Variants in PLEKHA5 observed in about 807,000 individuals in gnomAD.
PLEKHA5 encodes the protein pleckstrin homology domain containing A5.
PLEKHA5 carries 55 observed loss-of-function variants against 181.9 expected under a neutral mutation model. That is an observed-to-expected ratio of 0.30 (90% CI 0.24 to 0.38). PLEKHA5 has a LOEUF of 0.38. PLEKHA5 is among the 10% of genes least tolerant of loss of function. The pLI is 1.00. For missense variants in PLEKHA5, 1,432 were observed against 1,549.5 expected, an observed-to-expected ratio of 0.92 and a Z score of 1.27; for synonymous variants, 535 against 529.4, an observed-to-expected ratio of 1.01 and a Z score of -0.15.
At chr12:19,285,700 C>T (rs1311863487) in intron 12 of PLEKHA5, among the ~76,000 whole-genome samples, 2 of 152,164 alleles carry the variant, frequency 1.3e-5, no homozygotes, top group Non-Finnish European at 1.5e-5. Context: ...CTGCCACACA[C>T]TTGAAGTAAA....
intron 26 of PLEKHA5, among the ~76,000 whole-genome samples, chr12:19,354,253 G>A (rs868698073): frequency 5.8e-4 from 73 of 126,864 alleles, no homozygotes; most frequent in Middle Eastern, 4.8e-3. Context: ...CCGGGTTCAC[G>A]CCATTCTCCT....
At chr12:19,317,854 T>G (rs1176126240) in intron 16 of PLEKHA5, among the ~76,000 whole-genome samples, 1 of 150,888 alleles carries the variant, frequency 6.6e-6, no homozygotes, top group Non-Finnish European at 1.5e-5. Flanking sequence ...AATTACTACA[T>G]AGCCCATTTT....
intron 15 of PLEKHA5, among the ~76,000 whole-genome samples, chr12:19,293,236 G>A (rs1438429108): frequency 3.9e-5 from 6 of 152,170 alleles, no homozygotes; most frequent in Non-Finnish European, 8.8e-5. Flanking sequence ...TGTATTTAAA[G>A]AGGGATTTTG....
chr12:19,288,610 T>A (rs1321237850), intron 13 of PLEKHA5, among the ~76,000 whole-genome samples: 2 of 152,242 alleles, frequency 1.3e-5, no homozygotes, highest in African/African-American at 2.4e-5. Flanking sequence ...AAAAACATTG[T>A]TTTATTTTAT....
chr12:19,318,671 C>T (rs2089825097), intron 16 of PLEKHA5, among the ~76,000 whole-genome samples: 1 of 152,086 alleles, frequency 6.6e-6, no homozygotes, highest in African/African-American at 2.4e-5. Flanking sequence ...GCCTATAATC[C>T]CAGCACTTTG....
intron 13 of PLEKHA5, among the ~76,000 whole-genome samples, chr12:19,288,318 C>T (rs995213102): frequency 6.6e-6 from 1 of 152,108 alleles, no homozygotes; most frequent in Non-Finnish European, 1.5e-5. Flanking sequence ...CTGTAACAAG[C>T]GTTCGATCAA....
intron 3 of PLEKHA5, among the ~76,000 whole-genome samples, chr12:19,170,127 A>C (rs528308457): frequency 6.6e-6 from 1 of 152,344 alleles, no homozygotes; most frequent in South Asian, 2.1e-4. Flanking sequence ...GAAATAAGGT[A>C]TGAAATGAGA....
chr12:19,327,446 G>GT (rs1280437189), intron 20 of PLEKHA5, among the ~76,000 whole-genome samples: 1 of 151,236 alleles, frequency 6.6e-6, no homozygotes, highest in Non-Finnish European at 1.5e-5. Flanking sequence ...TATTTGTTTT[G>GT]TTTTTTCCTC....
intron 20 of PLEKHA5, among the ~76,000 whole-genome samples, chr12:19,334,829 A>AAAAT: frequency 2.1e-4 from 4 of 18,606 alleles, no homozygotes; most frequent in African/African-American, 4.9e-4. Context: ...AAAAAAAAAA[A>AAAAT]ATATATATAT....
intron 21 of PLEKHA5, among the ~76,000 whole-genome samples, chr12:19,339,913 A>G (rs2093724984): frequency 6.6e-6 from 1 of 152,240 alleles, no homozygotes; most frequent in Non-Finnish European, 1.5e-5. Flanking sequence ...TTTGTTAAAT[A>G]AATAAACAAG....
intron 12 of PLEKHA5, among the ~76,000 whole-genome samples, chr12:19,285,230 T>C (rs1218093495): frequency 5.3e-5 from 8 of 152,146 alleles, no homozygotes; most frequent in Non-Finnish European, 1.0e-4. Context: ...ATAAGAAAAA[T>C]CTGATCTAAT....
intron 3 of PLEKHA5, among the ~76,000 whole-genome samples, chr12:19,186,365 G>A (rs929795139): frequency 1.3e-5 from 2 of 152,152 alleles, no homozygotes; most frequent in African/African-American, 2.4e-5. Context: ...TCTAAGTTAG[G>A]TTGGCCACAG....
At chr12:19,230,541 G>T (rs1592139748) in intron 3 of PLEKHA5, among the ~76,000 whole-genome samples, 1 of 152,170 alleles carries the variant, frequency 6.6e-6, no homozygotes, top group South Asian at 2.1e-4. Flanking sequence ...ATTTGAGCAC[G>T]GTGCGGGTAG....
chr12:19,317,092 C>T (rs917747940), intron 16 of PLEKHA5, among the ~76,000 whole-genome samples: 2 of 152,022 alleles, frequency 1.3e-5, no homozygotes, highest in Non-Finnish European at 2.9e-5. Flanking sequence ...CCAGGCTTGT[C>T]GAGGTGGCTT....
At chr12:19,354,336 G>T (rs1390815216) in intron 26 of PLEKHA5, among the ~76,000 whole-genome samples, 33 of 132,734 alleles carry the variant, frequency 2.5e-4, no homozygotes, top group Middle Eastern at 4.7e-3. Context: ...TGTATTTTTA[G>T]TAGAGACGGG....
At chr12:19,334,883 C>T (rs1225818984) in intron 20 of PLEKHA5, among the ~76,000 whole-genome samples, 1 of 91,988 alleles carries the variant, frequency 1.1e-5, no homozygotes, top group Admixed American at 1.4e-4. Context: ...TGTATACGCA[C>T]ACACACACAA....
At chr12:19,250,444 G>A (rs373445630) in intron 3 of PLEKHA5, among the ~76,000 whole-genome samples, 28 of 152,160 alleles carry the variant, frequency 1.8e-4, no homozygotes, top group East Asian at 1.2e-3. Context: ...TTAGCCAGGC[G>A]TCGTGGTGCA....
At chr12:19,171,803 T>A (rs940844780) in intron 3 of PLEKHA5, among the ~76,000 whole-genome samples, 1 of 152,154 alleles carries the variant, frequency 6.6e-6, no homozygotes, top group Non-Finnish European at 1.5e-5. Context: ...ATATTAAACT[T>A]TTTTGTTAGC....
chr12:19,231,556 A>G (rs2060565268), intron 3 of PLEKHA5, among the ~76,000 whole-genome samples: 1 of 147,418 alleles, frequency 6.8e-6, no homozygotes, highest in African/African-American at 2.5e-5. Flanking sequence ...ATATATATTT[A>G]TATATGTACA....
Sources: gnomAD v4.1 joint callset for allele counts (sites outside exome capture counted in the v4.1 genomes callset) on GRCh38, gnomAD v4.1.1 for gene constraint, MANE v1.5 for transcripts, NCBI Gene and HGNC (gene_info 2026-07-23, HGNC 2026-07-21) for gene names.